The following DLG2 variants were observed in gnomAD, a reference collection of about 807,000 sequenced individuals.
DLG2 encodes the protein disks large homolog 2.
In DLG2, 45 loss-of-function variants were observed where a neutral mutation model predicts 132.5. The ratio of observed to expected loss-of-function variants is 0.34; its 90% CI spans 0.27 to 0.44. The LOEUF (loss-of-function observed/expected upper bound fraction) is 0.44, where lower values mean the gene tolerates loss of function less well. DLG2 is among the 20% of genes least tolerant of loss of function. The pLI is 1.00. For missense variants in DLG2, 1,045 were observed against 1,196.9 expected, an observed-to-expected ratio of 0.87 and a Z score of 1.87; for synonymous variants, 424 against 419.6, an observed-to-expected ratio of 1.01 and a Z score of -0.13.
At chr11:83,493,279 G>C (rs866586274) in intron 21 of DLG2, among the ~76,000 whole-genome samples, 31 of 151,920 alleles carry the variant, frequency 2.0e-4, no homozygotes, top group African/African-American at 7.2e-4. Context: ...TTTCTGACAG[G>C]CCTGTCTAAA....
chr11:83,795,427 C>CTA (rs1555409502), intron 17 of DLG2, among the ~76,000 whole-genome samples: 95 of 85,696 alleles, frequency 1.1e-3, no homozygotes, highest in East Asian at 1.9e-3. Context: ...ATATCTATAT[C>CTA]TATATCTATA....
intron 24 of DLG2, among the ~76,000 whole-genome samples, chr11:83,469,861 C>CA (rs2091782849): frequency 6.6e-6 from 1 of 152,048 alleles, no homozygotes; most frequent in Admixed American, 6.6e-5. Flanking sequence ...CCTGTCAGAA[C>CA]AAAAACTTAA....
At chr11:85,180,495 C>T (rs1265662499) in intron 4 of DLG2, among the ~76,000 whole-genome samples, 2 of 151,742 alleles carry the variant, frequency 1.3e-5, no homozygotes, top group Non-Finnish European at 1.5e-5. Flanking sequence ...AAGCTCAGAT[C>T]CTAGGGACAA....
At chr11:84,825,049 T>G (rs2078168015) in intron 6 of DLG2, among the ~76,000 whole-genome samples, 1 of 151,846 alleles carries the variant, frequency 6.6e-6, no homozygotes, top group South Asian at 2.1e-4. Flanking sequence ...TTATTACCAT[T>G]AACTCACTTC....
Position 83,761,587 on chromosome 11 carries a change from T to C in DLG2, c.1825+25103A>G, listed in dbSNP as rs151237767. On this transcript the variant is annotated intron_variant, in intron 18 of 27. Coordinates refer to ENST00000376104, the MANE Select transcript of DLG2 (RefSeq NM_001142699.3). ...TTGTATGCATGTATTTCTGTCTGAATTGGATTCCTACTTCCCATTACCCCC... is the reference window on the plus strand; with the variant it reads ...TTGTATGCATGTATTTCTGTCTGAACTGGATTCCTACTTCCCATTACCCCC... Among the ~76,000 whole-genome samples, 276 of 152,326 alleles carry C rather than the reference T, an allele frequency of 1.8e-3. 5 individuals are homozygous for C. Among genetic ancestry groups the C allele is most frequent in the African/African-American group, 6.1e-3 (252 of 41,578 alleles).
intron 15 of DLG2, among the ~76,000 whole-genome samples, chr11:83,906,272 C>G (rs867659274): frequency 0.039 from 3,302 of 84,204 alleles, 187 homozygotes; most frequent in African/African-American, 0.12. Flanking sequence ...CACACACACA[C>G]ACACACACAC....
intron 11 of DLG2, among the ~76,000 whole-genome samples, chr11:83,996,476 G>A (rs1005353110): frequency 1.3e-5 from 2 of 152,054 alleles, no homozygotes; most frequent in Admixed American, 6.6e-5. Flanking sequence ...TATGGCTACC[G>A]AAAGAAAGCA....
chr11:85,087,978 T>C (rs889086910), intron 6 of DLG2, among the ~76,000 whole-genome samples: 2 of 152,010 alleles, frequency 1.3e-5, no homozygotes, highest in East Asian at 1.9e-4. Context: ...GCAAGATTAT[T>C]AGATTTATAT....
At chr11:85,032,506 T>C (rs1592993214) in intron 6 of DLG2, among the ~76,000 whole-genome samples, 1 of 152,172 alleles carries the variant, frequency 6.6e-6, no homozygotes, top group Non-Finnish European at 1.5e-5. Context: ...GATGGTCAGG[T>C]AATATATTAA....
intron 6 of DLG2, among the ~76,000 whole-genome samples, chr11:85,092,848 G>A (rs540913194): frequency 9.2e-5 from 14 of 152,076 alleles, no homozygotes; most frequent in South Asian, 6.2e-4. Flanking sequence ...TTACCATGTT[G>A]GCCAGGATGG....
chr11:84,481,331 T>G lies in DLG2; in HGVS notation c.519+53239A>C, dbSNP rs369798436. On this transcript the variant is annotated intron_variant, in intron 7 of 27. Transcript: ENST00000376104. ...TCCCTGATTATCTTTCAACTCTGCA[T>G]CATTAGATCTCTTCTGCTGAGTCTT... Among the ~76,000 whole-genome samples the G allele has an allele frequency of 5.3e-5, 8 of 152,302 alleles. No individual in the cohort carries two copies. The East Asian group carries it at 1.4e-3, about 26-fold the overall frequency.
chr11:84,143,020 T>G (rs957724016), intron 9 of DLG2, among the ~76,000 whole-genome samples: 1 of 152,064 alleles, frequency 6.6e-6, no homozygotes, highest in Non-Finnish European at 1.5e-5. Context: ...AAAATAGGAG[T>G]AAGATATAAA....
At chr11:84,664,636 A>G (rs769020654) in intron 6 of DLG2, among the ~76,000 whole-genome samples, 52 of 152,274 alleles carry the variant, frequency 3.4e-4, no homozygotes, top group Non-Finnish European at 5.4e-4. Flanking sequence ...AAAACCAAGC[A>G]GGACAGATGG....
intron 6 of DLG2, among the ~76,000 whole-genome samples, chr11:84,875,327 T>A (rs375937997): frequency 3.9e-5 from 6 of 152,128 alleles, no homozygotes; most frequent in African/African-American, 1.4e-4. Context: ...GGGTAAAAAG[T>A]AAATAAATGA....
chr11:85,028,715 C>T (rs914519977), intron 6 of DLG2, among the ~76,000 whole-genome samples: 1 of 152,142 alleles, frequency 6.6e-6, no homozygotes, highest in African/African-American at 2.4e-5. Context: ...TGGGGGCAGG[C>T]ACTTCTGAGC....
chr11:83,770,254 TG>T (rs1415994390), intron 18 of DLG2, among the ~76,000 whole-genome samples: 1 of 145,356 alleles, frequency 6.9e-6, no homozygotes, highest in Non-Finnish European at 1.5e-5. Context: ...TGGTGTCTGG[TG>T]TTTTTTTTTG....
At chr11:85,264,733 C>T (rs1324097154) in intron 4 of DLG2, among the ~76,000 whole-genome samples, 1 of 152,162 alleles carries the variant, frequency 6.6e-6, no homozygotes, top group Non-Finnish European at 1.5e-5. Context: ...GGGTACTAAG[C>T]ATCTTTCTCT....
chr11:85,092,442 C>T (rs568213365), intron 6 of DLG2, among the ~76,000 whole-genome samples: 1 of 152,068 alleles, frequency 6.6e-6, no homozygotes, highest in African/African-American at 2.4e-5. Context: ...ATTTAAAAGA[C>T]ACTTATTTAC....
intron 3 of DLG2, among the ~76,000 whole-genome samples, chr11:85,339,944 A>G (rs1038198443): frequency 6.6e-6 from 1 of 152,214 alleles, no homozygotes; most frequent in Non-Finnish European, 1.5e-5. Flanking sequence ...ATGAGATACC[A>G]TCTCACGCCA....
Sources: allele counts gnomAD v4.1 joint callset (sites outside exome capture counted in the v4.1 genomes callset), GRCh38; gene constraint gnomAD v4.1.1; transcripts MANE v1.5; gene names NCBI Gene and HGNC (gene_info 2026-07-23, HGNC 2026-07-21).